SLC44A5: variants seen among roughly 807,000 people sequenced by gnomAD.
SLC44A5 encodes the protein solute carrier family 44 member 5.
In SLC44A5, 57 loss-of-function variants were observed where a neutral mutation model predicts 101.8. The observed-to-expected ratio is 0.56, with a 90% CI of 0.45 to 0.70. SLC44A5 has a LOEUF of 0.70. SLC44A5 is among the 30% of genes least tolerant of loss of function. SLC44A5 has a pLI of 0.00. For synonymous variants in SLC44A5, 281 were observed against 290.9 expected (o/e 0.97, Z 0.35); for missense variants, 737 against 853.1 (o/e 0.86, Z 1.70).
At chr1:75,521,001 G>A (rs1486625338) in intron 2 of SLC44A5, among the ~76,000 whole-genome samples, 2 of 152,122 alleles carry the variant, frequency 1.3e-5, no homozygotes, top group Non-Finnish European at 2.9e-5. Flanking sequence ...CAGTTGTCCT[G>A]ACACAGGGTA....
chr1:75,260,383 T>C (rs1650388355), intron 6 of SLC44A5, among the ~76,000 whole-genome samples: 1 of 152,050 alleles, frequency 6.6e-6, no homozygotes. Context: ...TCCTAGTCTC[T>C]GATAAAACAG....
chr1:75,278,408 A>G lies in SLC44A5; in HGVS notation c.176-3366T>C, dbSNP rs1652109931. ...CTTCTTTAAGGTGATTATGAGTGCC[A>G]TAACATCACCAGTTTGTATGACAGT... is the stretch of plus-strand genomic sequence containing the variant. On this transcript the variant is annotated intron_variant, in intron 5 of 23. Transcript: ENST00000370859. Among the ~76,000 whole-genome samples, 3 of 152,118 alleles carry G rather than the reference A, an allele frequency of 2.0e-5. No individual in the cohort carries two copies. The South Asian group carries it at 6.2e-4, about 31-fold the overall frequency.
chr1:75,632,782 T>C, the SLC44A5 span, among the ~76,000 whole-genome samples: 2 of 152,160 alleles, frequency 1.3e-5, no homozygotes, highest in Non-Finnish European at 2.9e-5. Context: ...TGCTTCTGGC[T>C]CAGACAAGTT....
chr1:75,670,745 GA>G, the SLC44A5 span, among the ~76,000 whole-genome samples: 2 of 152,126 alleles, frequency 1.3e-5, no homozygotes, highest in African/African-American at 4.8e-5. Context: ...GAGTAAGATA[GA>G]AACCACACCC....
intron 1 of SLC44A5, among the ~76,000 whole-genome samples, chr1:75,564,591 T>C (rs960548270): frequency 2.4e-5 from 1 of 41,842 alleles, no homozygotes; most frequent in African/African-American, 8.1e-5. Context: ...ATTTATTTAC[T>C]TTTTTTTTAA....
chr1:75,595,600 G>A (rs1026458025), intron 1 of SLC44A5, among the ~76,000 whole-genome samples: 9 of 152,112 alleles, frequency 5.9e-5, no homozygotes, highest in African/African-American at 2.2e-4. Context: ...ACAGAAAGAA[G>A]CAATATCCAC....
chr1:75,602,423 C>T (rs934432007), intron 1 of SLC44A5, among the ~76,000 whole-genome samples: 25 of 152,026 alleles, frequency 1.6e-4, no homozygotes, highest in Non-Finnish European at 3.7e-4. Context: ...TATGTATTAA[C>T]GTAAGACTTT....
At chr1:75,370,257 T>C (rs1232186051) in intron 3 of SLC44A5, among the ~76,000 whole-genome samples, 1 of 152,202 alleles carries the variant, frequency 6.6e-6, no homozygotes, top group African/African-American at 2.4e-5. Flanking sequence ...CTTATACCTA[T>C]TACATAGAAA....
At chr1:75,563,750 A>G (rs1672643964) in intron 1 of SLC44A5, among the ~76,000 whole-genome samples, 1 of 152,116 alleles carries the variant, frequency 6.6e-6, no homozygotes, top group African/African-American at 2.4e-5. Context: ...TAAACCACAT[A>G]ATAAGTGCAA....
At chr1:75,397,429 G>C (rs1662195387) in intron 2 of SLC44A5, among the ~76,000 whole-genome samples, 1 of 152,136 alleles carries the variant, frequency 6.6e-6, no homozygotes, top group African/African-American at 2.4e-5. Context: ...TTTCCCCATT[G>C]ATTTTTCATC....
chr1:75,216,871 T>C lies in SLC44A5; in HGVS notation c.1624+995A>G, dbSNP rs142270038. The stretch of plus-strand genomic sequence containing the variant: ...GGATATGAATTCCTTATCTGGCATA[T>C]GATTTGGAAATATTTTCTTCCATCA... On this transcript the variant is annotated intron_variant, in intron 18 of 23. Coordinates refer to ENST00000370859, the MANE Select transcript of SLC44A5 (RefSeq NM_001130058.2). Among the ~76,000 whole-genome samples the C allele has an allele frequency of 5.3e-3, 804 of 152,230 alleles. 2 individuals are homozygous for C. Among genetic ancestry groups the C allele is most frequent in the Non-Finnish European group, 8.7e-3 (591 of 67,954 alleles).
At chr1:75,446,487 C>T (rs1665585365) in intron 2 of SLC44A5, among the ~76,000 whole-genome samples, 1 of 152,122 alleles carries the variant, frequency 6.6e-6, no homozygotes, top group Non-Finnish European at 1.5e-5. Context: ...AAAAAAAACC[C>T]TGTCTTCTTT....
chr1:75,658,535 C>A, the SLC44A5 span, among the ~76,000 whole-genome samples: 5 of 151,980 alleles, frequency 3.3e-5, no homozygotes, highest in African/African-American at 1.2e-4. Context: ...ACAAATGGGT[C>A]AATGAAGAAA....
chr1:75,698,165 C>G, the SLC44A5 span, among the ~76,000 whole-genome samples: 1 of 152,212 alleles, frequency 6.6e-6, no homozygotes, highest in African/African-American at 2.4e-5. Flanking sequence ...CTCAAGGAGG[C>G]CTGCCTGCCT....
intron 2 of SLC44A5, among the ~76,000 whole-genome samples, chr1:75,479,372 A>C (rs371519548): frequency 3.3e-5 from 5 of 152,078 alleles, no homozygotes; most frequent in African/African-American, 4.8e-5. Flanking sequence ...ACATTCAAAA[A>C]CTAGCAGAAG....
At chr1:75,348,398 C>A (rs1017865869) in intron 3 of SLC44A5, among the ~76,000 whole-genome samples, 71 of 152,068 alleles carry the variant, frequency 4.7e-4, no homozygotes, top group Non-Finnish European at 6.8e-4. Context: ...AGAGGCTGTT[C>A]AAGATGAGGG....
intron 4 of SLC44A5, among the ~76,000 whole-genome samples, chr1:75,315,591 G>A (rs1347942943): frequency 6.6e-6 from 1 of 152,048 alleles, no homozygotes; most frequent in Admixed American, 6.6e-5. Flanking sequence ...CTCTACCTGT[G>A]TCTTAATGTT....
chr1:75,403,780 A>G (rs1226710755), intron 2 of SLC44A5, among the ~76,000 whole-genome samples: 1 of 152,084 alleles, frequency 6.6e-6, no homozygotes, highest in Non-Finnish European at 1.5e-5. Flanking sequence ...AAATACCACA[A>G]TGCCTCTTCT....
intron 1 of SLC44A5, among the ~76,000 whole-genome samples, chr1:75,552,102 T>C (rs923142890): frequency 6.6e-6 from 1 of 152,162 alleles, no homozygotes; most frequent in Non-Finnish European, 1.5e-5. Flanking sequence ...TATCTGAGAA[T>C]AATCGTATAT....
Sources: allele counts gnomAD v4.1 joint callset (sites outside exome capture counted in the v4.1 genomes callset), GRCh38; gene constraint gnomAD v4.1.1; transcripts MANE v1.5; gene names NCBI Gene and HGNC (gene_info 2026-07-23, HGNC 2026-07-21).